The following FRYL variants were observed in gnomAD, a reference collection of about 807,000 sequenced individuals.
The protein encoded by FRYL is protein furry homolog-like.
Under a neutral mutation model 351.2 loss-of-function variants are expected in FRYL, and 150 were observed. The ratio of observed to expected loss-of-function variants is 0.43; its 90% CI spans 0.37 to 0.49. FRYL has a LOEUF of 0.49. Ranked by LOEUF, FRYL falls within the 20% of genes least tolerant of loss-of-function variation. The pLI is 0.00. For missense variants in FRYL, 3,036 were observed against 3,619.3 expected (o/e 0.84, Z 4.13); for synonymous variants, 1,153 against 1,257.1 (o/e 0.92, Z 1.75).
intron 2 of FRYL, among the ~76,000 whole-genome samples, chr4:48,709,641 G>A (rs1352180846): frequency 1.3e-5 from 2 of 152,244 alleles, no homozygotes; most frequent in South Asian, 2.1e-4. Flanking sequence ...TTCATAAAGT[G>A]TTGGGATTAT....
At chr4:48,597,644 T>C (rs894233638) in intron 13 of FRYL, among the ~76,000 whole-genome samples, 3 of 152,194 alleles carry the variant, frequency 2.0e-5, no homozygotes, top group African/African-American at 7.2e-5. Context: ...ACTTTCATAT[T>C]GTTAAATTGT....
intron 2 of FRYL, among the ~76,000 whole-genome samples, chr4:48,695,265 CAT>C (rs1766044768): frequency 6.6e-6 from 1 of 152,158 alleles, no homozygotes. Context: ...GTACATACAT[CAT>C]TACATCTCCC....
intron 1 of FRYL, among the ~76,000 whole-genome samples, chr4:48,740,554 C>T (rs1422343248): frequency 6.6e-6 from 1 of 152,096 alleles, no homozygotes; most frequent in African/African-American, 2.4e-5. Context: ...CTCAGCCTCC[C>T]AAAGTGCTGG....
chr4:48,546,170 T>G lies in FRYL; in HGVS notation c.5176A>C (p.Ser1726Arg). The change falls in exon 42 of 64, where the codon AGT becomes CGT. Residue 1726 changes from serine to arginine, a missense_variant. By Grantham distance (110) the Ser-to-Arg change is moderately radical. Around this residue, in one of 7 missense-constraint regions of FRYL, gnomAD observed 1,987 missense variants for 2,311.7 expected, o/e 0.86. Coordinates refer to ENST00000358350, the MANE Select transcript of FRYL (RefSeq NM_015030.2). ...TSSSISLGNN[S>R]AAISHLHTTI... ...GTGTGCAGATGTGAAATGGCAGCACTGTTATTTCCTAAGCTGATACTAGAA... is the reference window on the plus strand; with the variant it reads ...GTGTGCAGATGTGAAATGGCAGCACGGTTATTTCCTAAGCTGATACTAGAA... The G allele has an allele frequency of 6.2e-7, 1 of 1,613,764 alleles. No individual in the cohort carries two copies. Among genetic ancestry groups the G allele is most frequent in the Non-Finnish European group, 8.5e-7 (1 of 1,179,828 alleles).
intron 1 of FRYL, among the ~76,000 whole-genome samples, chr4:48,714,127 TA>T (rs988484660): frequency 1.7e-4 from 26 of 152,258 alleles, no homozygotes; most frequent in African/African-American, 6.3e-4. Flanking sequence ...AAGCAGTGTG[TA>T]GAGGGAAATT....
intron 2 of FRYL, among the ~76,000 whole-genome samples, chr4:48,687,915 A>C (rs1765316736): frequency 6.6e-6 from 1 of 152,216 alleles, no homozygotes; most frequent in East Asian, 1.9e-4. Flanking sequence ...AGACTGCTTC[A>C]TAAAAGATTG....
Position 48,696,993 on chromosome 4 carries a change from C to A in FRYL, c.-203-12198G>T, listed in dbSNP as rs192302768. ...TTGTCTTAAAATGAATAATTTTTCT[C>A]CAAAAAAAGTCAATTACAAGGTTTT... On this transcript the variant is annotated intron_variant, in intron 2 of 63. Transcript: ENST00000358350. Among the ~76,000 whole-genome samples the A allele has an allele frequency of 1.1e-4, 16 of 151,810 alleles. No individual in the cohort carries two copies. In the East Asian group the frequency reaches 2.9e-3, roughly 28 times the overall value.
At chr4:48,654,071 C>A (rs1330085458) in intron 3 of FRYL, among the ~76,000 whole-genome samples, 1 of 152,114 alleles carries the variant, frequency 6.6e-6, no homozygotes, top group Non-Finnish European at 1.5e-5. Flanking sequence ...TTTCTTTATG[C>A]AGATATACAC....
intron 2 of FRYL, among the ~76,000 whole-genome samples, chr4:48,696,845 GATCT>G (rs71660456): frequency 0.35 from 51,180 of 144,380 alleles, 9,005 homozygotes; most frequent in Middle Eastern, 0.39. Context: ...AACGATAAGA[GATCT>G]ATCTATCTAT....
chr4:48,560,013 T>G (rs1456709610), intron 33 of FRYL, among the ~76,000 whole-genome samples: 2 of 151,928 alleles, frequency 1.3e-5, no homozygotes, highest in African/African-American at 4.8e-5. Flanking sequence ...TGTGAAGATC[T>G]AAGGCATGCA....
intron 2 of FRYL, among the ~76,000 whole-genome samples, chr4:48,700,022 C>G (rs528894517): frequency 1.3e-5 from 2 of 152,066 alleles, no homozygotes; most frequent in South Asian, 2.1e-4. Context: ...AATAAAGGAA[C>G]AGAGTCCGAC....
At chr4:48,617,346 GA>G (rs1028794022) in intron 7 of FRYL, among the ~76,000 whole-genome samples, 2 of 147,978 alleles carry the variant, frequency 1.4e-5, no homozygotes, top group Non-Finnish European at 3.0e-5. Flanking sequence ...AAAAAAAAAA[GA>G]TTTTTTTTTT....
At chr4:48,779,900 G>A (rs1263669158) in intron 1 of FRYL, among the ~76,000 whole-genome samples, 178 bp downstream of exon 1, 1 of 151,828 alleles carries the variant, frequency 6.6e-6, no homozygotes, top group Non-Finnish European at 1.5e-5. Flanking sequence ...GCCGCGCCGC[G>A]CCGCTTGCCA....
chr4:48,692,398 CT>C (rs537839806), intron 2 of FRYL, among the ~76,000 whole-genome samples: 152 of 146,074 alleles, frequency 1.0e-3, no homozygotes, highest in Admixed American at 1.3e-3. Context: ...TTCTTTCTAT[CT>C]TTTTTTTTTT....
intron 3 of FRYL, among the ~76,000 whole-genome samples, chr4:48,678,263 A>T (rs1022107979): frequency 1.3e-5 from 2 of 152,068 alleles, no homozygotes; most frequent in Non-Finnish European, 2.9e-5. Flanking sequence ...TGGTCTACAC[A>T]GAAATCAGGA....
intron 3 of FRYL, among the ~76,000 whole-genome samples, chr4:48,656,030 T>C (rs867950440): frequency 4.4e-5 from 6 of 136,258 alleles, no homozygotes; most frequent in Non-Finnish European, 7.6e-5. Flanking sequence ...TAAAATATAA[T>C]GTATGTATAA....
At position 48,623,175 on chromosome 4, in the gene FRYL, T is replaced by A; in HGVS notation, c.125A>T (p.Lys42Met). Residue 42 changes from lysine to methionine, a missense_variant, in exon 5 of 64, where the codon AAG (lysine) becomes ATG (methionine). By Grantham distance (95) the Lys-to-Met change is moderately conservative. Around this residue, in one of 7 missense-constraint regions of FRYL, gnomAD observed 457 missense variants for 566.6 expected, o/e 0.81. Transcript: ENST00000358350. ...IEVVMAEPLE[K>M]LLSRSLQRGE... is the part of the protein sequence containing the mutation. ...CCTCTGAAGAGATCTGGACAATAGCTTCTCCTATGATTAAAAAAAACAAAC... is the reference window on the plus strand; with the variant it reads ...CCTCTGAAGAGATCTGGACAATAGCATCTCCTATGATTAAAAAAAACAAAC... 1 of 1,504,562 alleles carries A rather than the reference T, an allele frequency of 6.6e-7. No individual in the cohort carries two copies. Among genetic ancestry groups the A allele is most frequent in the Admixed American group, 2.1e-5 (1 of 46,984 alleles). The allele number at this position is 1,504,562 out of a possible 1,614,324, so 93.2% of individuals were successfully genotyped here. A position where few individuals can be genotyped will look rare whatever the true frequency, so the allele number is the denominator to read the frequency against.
chr4:48,714,914 C>T (rs1195420330), intron 1 of FRYL, among the ~76,000 whole-genome samples: 1 of 149,134 alleles, frequency 6.7e-6, no homozygotes, highest in Non-Finnish European at 1.5e-5. Context: ...CATCAAAAAG[C>T]TTATCCACCA....
In FRYL at chr4:48,606,352, A is replaced by G. The variant is rs1363405380; in HGVS notation, c.741+86T>C. Reference sequence around the variant, plus strand: ...AGACTAAAAATGATGCCATTAATTTACGTGTATTTTGTTTCTTTTAAAAAG... The same window carrying G: ...AGACTAAAAATGATGCCATTAATTTGCGTGTATTTTGTTTCTTTTAAAAAG... On this transcript the variant is annotated intron_variant, in intron 10 of 63. Coordinates refer to ENST00000358350, the MANE Select transcript of FRYL (RefSeq NM_015030.2). 5 of 739,306 alleles carry G rather than the reference A, an allele frequency of 6.8e-6. No individual in the cohort carries two copies. The African/African-American group carries it at 7.0e-5, about 10-fold the overall frequency. The allele number at this position is 739,306 out of a possible 1,614,324, so 45.8% of individuals were successfully genotyped here. A position where few individuals can be genotyped will look rare whatever the true frequency, so the allele number is the denominator to read the frequency against.
Sources: allele counts gnomAD v4.1 joint callset (sites outside exome capture counted in the v4.1 genomes callset), GRCh38; gene constraint gnomAD v4.1.1; regional missense constraint gnomAD v4.1.1; transcripts MANE v1.5; gene names NCBI Gene and HGNC (gene_info 2026-07-23, HGNC 2026-07-21).